PTPRC: variants seen among roughly 807,000 people sequenced by gnomAD.
PTPRC encodes the protein receptor-type tyrosine-protein phosphatase C.
A neutral mutation model predicts 155.9 loss-of-function variants in PTPRC; 44 were observed. The observed-to-expected ratio is 0.28, with a 90% CI of 0.22 to 0.36. PTPRC has a LOEUF of 0.36. Ranked by LOEUF, PTPRC falls within the 10% of genes least tolerant of loss-of-function variation. PTPRC has a pLI of 1.00. For synonymous variants in PTPRC, 525 were observed against 533.1 expected, an observed-to-expected ratio of 0.98 and a Z score of 0.21; for missense variants, 1,401 against 1,564.6, an observed-to-expected ratio of 0.90 and a Z score of 1.76.
Position 198,745,119 on chromosome 1 carries a change from G to A in PTPRC, c.2847+916G>A, listed in dbSNP as rs113808447. 8.2e-3 allele frequency among the ~76,000 whole-genome samples: 1,239 copies of A among 151,930 alleles called. 19 individuals are homozygous for A. Among genetic ancestry groups the A allele is most frequent in the African/African-American group, 0.029 (1,183 of 41,508 alleles). ...ATCCACATAAACACATAAGCTGTTA[G>A]AGACAGTTATACATTTAAGTTAAAC... is the stretch of plus-strand genomic sequence containing the variant. On this transcript the variant is annotated intron_variant, in intron 26 of 32. Transcript: ENST00000442510.
chr1:198,690,543 T>A (rs980423457), intron 2 of PTPRC, among the ~76,000 whole-genome samples: 37 of 152,078 alleles, frequency 2.4e-4, no homozygotes, highest in South Asian at 2.1e-4. Flanking sequence ...TAATTATGTA[T>A]CACCCATCAA....
At chr1:198,677,565 AT>A (rs1324276174) in intron 2 of PTPRC, among the ~76,000 whole-genome samples, 5 of 151,898 alleles carry the variant, frequency 3.3e-5, no homozygotes, top group Admixed American at 3.3e-4. Flanking sequence ...GTCTTCCATG[AT>A]TACCCTAAGA....
At chr1:198,744,299 G>T (rs1345967165) in intron 26 of PTPRC, 96 bp downstream of exon 26, 1 of 1,245,926 alleles carries the variant, frequency 8.0e-7, no homozygotes, top group Non-Finnish European at 1.1e-6. Context: ...CATAGTGCTT[G>T]CATTTAGTCT....
intron 2 of PTPRC, among the ~76,000 whole-genome samples, chr1:198,660,109 G>A (rs1663874175): frequency 7.0e-6 from 1 of 142,406 alleles, no homozygotes; most frequent in Admixed American, 7.1e-5. Context: ...TGGAATTCCT[G>A]TGTTAAAAAA....
chr1:198,740,595 A>G (rs1654855619), intron 23 of PTPRC, among the ~76,000 whole-genome samples: 1 of 151,886 alleles, frequency 6.6e-6, no homozygotes, highest in South Asian at 2.1e-4. Context: ...AAAAAAGATA[A>G]AATTGACAAA....
Position 198,708,260 on chromosome 1 carries a change from T to C in PTPRC, c.1032T>C (p.Cys344=), listed in dbSNP as rs1341007825. ...AGAATATTACCTACAGATTTCAGTG[T>C]GGTAAGAATATAACATTGACCAGAG... ...DTQNITYRFQ[C]GNMIFDNKEI... is the part of the protein sequence containing the mutation. Residue 344 remains cysteine (C), a splice_region_variant and synonymous_variant, in exon 10 of 33, where the codon TGT becomes TGC. Coordinates refer to ENST00000442510, the MANE Select transcript of PTPRC (RefSeq NM_002838.5). The C allele has an allele frequency of 5.6e-6, 9 of 1,605,204 alleles. No homozygotes were observed. The highest frequency in any genetic ancestry group is 2.7e-5 in the African/African-American group (2 of 74,824).
At chr1:198,657,333 T>TAA (rs79425349) in intron 2 of PTPRC, among the ~76,000 whole-genome samples, 3 of 151,904 alleles carry the variant, frequency 2.0e-5, no homozygotes, top group African/African-American at 7.3e-5. Context: ...TTTATTCCTT[T>TAA]AAAAAAATCC....
At position 198,749,491 on chromosome 1, in the gene PTPRC, C is replaced by G; in HGVS notation, c.3014C>G (p.Ser1005Cys). 6.2e-7 allele frequency: 1 copy of G among 1,610,270 alleles called. No homozygotes were observed. Among genetic ancestry groups the G allele is most frequent in the Non-Finnish European group, 8.5e-7 (1 of 1,177,540 alleles). ...AGTGAGCATGATTCAGATGAATCCT[C>G]TGATGATGACAGTGATTCAGAGGAA... ...KESEHDSDESSDDDSDSEEPS... is the reference protein window; with the variant it reads ...KESEHDSDESCDDDSDSEEPS... The change falls in exon 28 of 33, where the codon TCT (serine) becomes TGT (cysteine). Residue 1005 changes from serine to cysteine, a missense_variant. This residue lies in a region of PTPRC where 400 missense variants were observed against 389.5 expected (regional missense o/e 1.03). Coordinates refer to ENST00000442510, the MANE Select transcript of PTPRC (RefSeq NM_002838.5).
chr1:198,720,315 A>G (rs759986549), intron 14 of PTPRC, among the ~76,000 whole-genome samples: 2 of 152,104 alleles, frequency 1.3e-5, no homozygotes, highest in Non-Finnish European at 2.9e-5. Flanking sequence ...TCTGTATCAT[A>G]TAACTTTTTA....
chr1:198,683,728 C>T (rs1665465481), intron 2 of PTPRC, among the ~76,000 whole-genome samples: 1 of 151,998 alleles, frequency 6.6e-6, no homozygotes, highest in Non-Finnish European at 1.5e-5. Context: ...AATTCCCAGT[C>T]AGGATTAATA....
Position 198,696,718 on chromosome 1 carries a change from C to T in PTPRC, c.107C>T (p.Thr36Ile). ...ATTTTCCATTAATTAACAGGATTGA[C>T]TACAGCAAAGATGCCCAGTGTTCCA... ...QSPTPSPTGLTTAKMPSVPLS... is the reference protein window; with the variant it reads ...QSPTPSPTGLITAKMPSVPLS... Residue 36 changes from threonine (T) to isoleucine (I), a missense_variant, in exon 4 of 33, where the codon ACT becomes ATT. Coordinates refer to ENST00000442510, the MANE Select transcript of PTPRC (RefSeq NM_002838.5). 6.2e-7 allele frequency: 1 copy of T among 1,613,328 alleles called. No individual in the cohort carries two copies.
At chr1:198,679,999 T>G in intron 2 of PTPRC, 1 of 611,874 alleles carries the variant, frequency 1.6e-6, no homozygotes, top group Non-Finnish European at 2.9e-6. Flanking sequence ...GTCCACTTCC[T>G]GCAGGCTCAA....
intron 10 of PTPRC, 66 bp from the exon 11 acceptor site, chr1:198,709,621 T>C: frequency 7.7e-7 from 1 of 1,303,070 alleles, no homozygotes. Flanking sequence ...AATGTGAAAT[T>C]AGAAAATAAA....
At chr1:198,726,935 T>TCA (rs1271011685) in intron 15 of PTPRC, among the ~76,000 whole-genome samples, 6 of 151,306 alleles carry the variant, frequency 4.0e-5, no homozygotes, top group African/African-American at 1.5e-4. Flanking sequence ...CAATCTTGGC[T>TCA]CACTGCAACC....
chr1:198,692,930 ATGC>A (rs1666007449), intron 3 of PTPRC: 1 of 912,272 alleles, frequency 1.1e-6, no homozygotes, highest in Non-Finnish European at 1.3e-6. Flanking sequence ...AAACACAGAG[ATGC>A]TGCAAATAAA....
Position 198,752,665 on chromosome 1 carries a change from C to T in PTPRC, c.3402C>T (p.Pro1134=), listed in dbSNP as rs61757805. The part of the protein sequence containing the change: ...NWSVEQLPAE[P]KELISMIQVV... The stretch of plus-strand genomic sequence containing the variant: ...GTGTGGAGCAGCTTCCTGCAGAACC[C>T]AAGGAATTAATCTCTATGATTCAGG... The change falls in exon 31 of 33, where the codon CCC becomes CCT. Residue 1134 remains proline (P), a synonymous_variant. Transcript: ENST00000442510. 1.8e-3 allele frequency: 2,922 copies of T among 1,612,734 alleles called. 78 individuals carry two copies. In the Admixed American group the frequency reaches 0.041, roughly 23 times the overall value.
intron 26 of PTPRC, among the ~76,000 whole-genome samples, chr1:198,745,723 A>G (rs937194122): frequency 2.0e-5 from 3 of 151,782 alleles, no homozygotes; most frequent in African/African-American, 7.3e-5. Flanking sequence ...AGTTAAACCT[A>G]TCTAGGTTTT....
chr1:198,716,599 G>C (rs1391398243), intron 12 of PTPRC, 83 bp from the exon 13 acceptor site: 1 of 1,223,074 alleles, frequency 8.2e-7, no homozygotes, highest in Non-Finnish European at 1.2e-6. Flanking sequence ...TTGGAACAAT[G>C]TGATGTAGAG....
intron 2 of PTPRC, among the ~76,000 whole-genome samples, chr1:198,648,871 A>T (rs890284314): frequency 6.6e-6 from 1 of 151,834 alleles, no homozygotes; most frequent in African/African-American, 2.4e-5. Flanking sequence ...CATTTTTGAT[A>T]TTACATAAAG....
Sources: allele counts gnomAD v4.1 joint callset (sites outside exome capture counted in the v4.1 genomes callset), GRCh38; gene constraint gnomAD v4.1.1; regional missense constraint gnomAD v4.1.1; transcripts MANE v1.5; gene names NCBI Gene and HGNC (gene_info 2026-07-23, HGNC 2026-07-21).